The following SCYL2 variants were observed in gnomAD, a reference collection of about 807,000 sequenced individuals.
SCYL2 encodes SCY1 like pseudokinase 2.
Under a neutral mutation model 100.4 loss-of-function variants are expected in SCYL2, and 36 were observed. That is an observed-to-expected ratio of 0.36 (90% CI 0.27 to 0.47). The LOEUF (loss-of-function observed/expected upper bound fraction) is 0.47. Ranked by LOEUF, SCYL2 falls within the 20% of genes least tolerant of loss-of-function variation. The pLI is 1.00. For synonymous variants in SCYL2, 330 were observed against 359.2 expected (o/e 0.92, Z 0.92); for missense variants, 902 against 1,083.9 (o/e 0.83, Z 2.36).
At chr12:100,285,503 T>C (rs939081675) in intron 2 of SCYL2, among the ~76,000 whole-genome samples, 1 of 152,192 alleles carries the variant, frequency 6.6e-6, no homozygotes, top group Non-Finnish European at 1.5e-5. Context: ...TCCGGTGTGG[T>C]GCCAGTATAC....
chr12:100,298,163 T>C lies in SCYL2; in HGVS notation c.468T>C (p.Tyr156=). Residue 156 remains tyrosine, a synonymous_variant, in exon 4 of 18, where the codon TAT becomes TAC. Coordinates refer to ENST00000360820, the MANE Select transcript of SCYL2 (RefSeq NM_017988.6). The part of the protein sequence containing the change: ...DYKLYDVETK[Y]GLLQVSEGLS... The stretch of plus-strand genomic sequence containing the variant: ...AACTTTATGATGTAGAAACCAAATA[T>C]GGTTTGCTTCAGGTATGTATTTTTA... 1 of 1,565,222 alleles carries C rather than the reference T, an allele frequency of 6.4e-7. No homozygotes were observed. Among genetic ancestry groups the C allele is most frequent in the East Asian group, 2.3e-5 (1 of 43,098 alleles).
At chr12:100,273,512 A>T (rs912861986) in intron 1 of SCYL2, among the ~76,000 whole-genome samples, 2 of 152,160 alleles carry the variant, frequency 1.3e-5, no homozygotes, top group African/African-American at 4.8e-5. Flanking sequence ...TACATAGTGG[A>T]TACTCAGTAA....
Position 100,311,187 on chromosome 12 carries a change from A to T in SCYL2, c.624A>T (p.Glu208Asp), listed in dbSNP as rs372100345. ...DFCVSSTNPS[E>D]QEPKFPCKEW... is the part of the protein sequence containing the mutation. ...GTGTATCATCAACCAATCCTTCTGAACAAGAGGTAATGAAAGTTTTAGTCT... is the reference window on the plus strand; with the variant it reads ...GTGTATCATCAACCAATCCTTCTGATCAAGAGGTAATGAAAGTTTTAGTCT... Residue 208 changes from glutamate to aspartate, a missense_variant, in exon 5 of 18, where the codon GAA becomes GAT. Physicochemically the swap from Glu to Asp is conservative, Grantham distance 45 (BLOSUM62 2). Coordinates refer to ENST00000360820, the MANE Select transcript of SCYL2 (RefSeq NM_017988.6). 3.0e-5 allele frequency: 47 copies of T among 1,586,578 alleles called. No homozygotes were observed. The highest frequency in any genetic ancestry group is 3.9e-5 in the Non-Finnish European group (46 of 1,172,410).
intron 9 of SCYL2, 52 bp from the exon 10 acceptor site, chr12:100,317,751 G>A: frequency 6.5e-7 from 1 of 1,536,006 alleles, no homozygotes; most frequent in Non-Finnish European, 8.7e-7. Flanking sequence ...GGCATATATT[G>A]AATCTTTTAA....
Position 100,300,868 on chromosome 12 carries a change from T to C in SCYL2, c.480+2693T>C, listed in dbSNP as rs116895109. 8.0e-4 allele frequency among the ~76,000 whole-genome samples: 122 copies of C among 152,356 alleles called. 1 individual carries two copies. In the East Asian group the frequency reaches 0.02, roughly 25 times the overall value. On this transcript the variant is annotated intron_variant, in intron 4 of 17. Transcript: ENST00000360820. Reference sequence around the variant, plus strand: ...TGAATAGTACTCCATTATGTATATGTACCATATTTTCTGTATCTGTTCATC... The same window carrying C: ...TGAATAGTACTCCATTATGTATATGCACCATATTTTCTGTATCTGTTCATC...
intron 12 of SCYL2, among the ~76,000 whole-genome samples, chr12:100,328,182 G>C (rs570575193): frequency 6.6e-6 from 1 of 152,222 alleles, no homozygotes; most frequent in East Asian, 1.9e-4. Context: ...GGAGTCTGAG[G>C]TGGGAGAATC....
At chr12:100,271,027 C>G (rs923308023) in intron 1 of SCYL2, among the ~76,000 whole-genome samples, 11 of 151,840 alleles carry the variant, frequency 7.2e-5, no homozygotes, top group African/African-American at 2.7e-4. Context: ...ATTAGATACT[C>G]TTTGTAATTG....
In SCYL2 at chr12:100,340,642, ATG is replaced by A. The variant is rs1258953231; in HGVS notation, c.*1472_*1473del. ...GTAATACACAGCACTTGATTACAAA[ATG>A]TAATTTAATTATATTATTGCTGGCA... On this transcript the variant is annotated 3_prime_UTR_variant, in exon 18 of 18. Transcript: ENST00000360820. 1 of 152,082 alleles carries A rather than the reference ATG, an allele frequency of 6.6e-6. No individual in the cohort carries two copies. Among genetic ancestry groups the A allele is most frequent in the East Asian group, 1.9e-4 (1 of 5,194 alleles). The allele number at this position is 152,082 out of a possible 1,614,324, so 9.4% of individuals were successfully genotyped here.
intron 5 of SCYL2, 49 bp from the exon 6 acceptor site, chr12:100,312,380 AGTT>A: frequency 7.8e-7 from 1 of 1,278,344 alleles, no homozygotes; most frequent in Non-Finnish European, 1.1e-6. Context: ...ACTGCTTGAT[AGTT>A]GTTTGGTTGA....
At chr12:100,277,327 G>A (rs894731670) in intron 1 of SCYL2, among the ~76,000 whole-genome samples, 4 of 152,248 alleles carry the variant, frequency 2.6e-5, no homozygotes, top group African/African-American at 4.8e-5. Flanking sequence ...TCTCTGCTTC[G>A]TCTGTGTCTG....
At chr12:100,271,524 A>T (rs2096287702) in intron 1 of SCYL2, among the ~76,000 whole-genome samples, 3 of 152,202 alleles carry the variant, frequency 2.0e-5, no homozygotes, top group Non-Finnish European at 4.4e-5. Flanking sequence ...TACAAATCTC[A>T]GACCTTTGTG....
chr12:100,327,691 T>C (rs917801006), intron 12 of SCYL2, among the ~76,000 whole-genome samples: 1 of 152,134 alleles, frequency 6.6e-6, no homozygotes, highest in Non-Finnish European at 1.5e-5. Context: ...TTTTTTTGTA[T>C]TTTTTGTAGA....
chr12:100,285,811 T>G (rs960536447), intron 2 of SCYL2, among the ~76,000 whole-genome samples: 1 of 152,234 alleles, frequency 6.6e-6, no homozygotes, highest in Admixed American at 6.5e-5. Context: ...ATTGTTATGT[T>G]CTTTGTTGTA....
At chr12:100,331,481 C>T in intron 13 of SCYL2, among the ~76,000 whole-genome samples, 1 of 152,008 alleles carries the variant, frequency 6.6e-6, no homozygotes, top group East Asian at 1.9e-4. Flanking sequence ...GTGGTGTGCG[C>T]CTGTAGTCCC....
intron 2 of SCYL2, among the ~76,000 whole-genome samples, chr12:100,286,321 A>G (rs1012238934): frequency 6.6e-6 from 1 of 152,160 alleles, no homozygotes; most frequent in African/African-American, 2.4e-5. Flanking sequence ...TTATTTATTA[A>G]GCACTTCTGT....
chr12:100,271,702 G>A (rs765576711), intron 1 of SCYL2, among the ~76,000 whole-genome samples: 1 of 152,146 alleles, frequency 6.6e-6, no homozygotes, highest in Admixed American at 6.5e-5. Context: ...ATTACGGTAA[G>A]CCTTTTATTT....
chr12:100,291,503 G>A lies in SCYL2; in HGVS notation c.178G>A (p.Glu60Lys), dbSNP rs1290254370. 1 of 1,518,910 alleles carries A rather than the reference G, an allele frequency of 6.6e-7. No individual in the cohort carries two copies. The highest frequency in any genetic ancestry group is 2.2e-5 in the Admixed American group (1 of 45,626). 94.1% of individuals were successfully genotyped at this position (1,518,910 alleles called of 1,614,324 possible). Residue 60 changes from glutamate (E) to lysine (K), a missense_variant and splice_region_variant, in exon 3 of 18, where the codon GAA (glutamate) becomes AAA (lysine). Physicochemically the swap from Glu to Lys is moderately conservative, Grantham distance 56. Transcript: ENST00000360820. ...FNGTKKSTKQEVAVFVFDKKL... is the reference protein window; with the variant it reads ...FNGTKKSTKQKVAVFVFDKKL... ...AAAATTACACAATTCTTTTATTTAGGAAGTGGCAGTTTTTGTCTTTGATAA... is the reference window on the plus strand; with the variant it reads ...AAAATTACACAATTCTTTTATTTAGAAAGTGGCAGTTTTTGTCTTTGATAA...
In SCYL2 at chr12:100,335,508, T is replaced by C. The variant is rs1392233834; in HGVS notation, c.1863-117T>C. On this transcript the variant is annotated intron_variant, in intron 14 of 17. Coordinates refer to ENST00000360820, the MANE Select transcript of SCYL2 (RefSeq NM_017988.6). ...AGAAAATAATGGAAAAGATGACTCT[T>C]CTTAAAGAGTTTAATTGGGGTCTAA... 12 of 700,498 alleles carry C rather than the reference T, an allele frequency of 1.7e-5. No individual in the cohort carries two copies. The East Asian group carries it at 2.2e-4, about 13-fold the overall frequency. The allele number at this position is 700,498 out of a possible 1,614,324, so 43.4% of individuals were successfully genotyped here. A position where few individuals can be genotyped will look rare whatever the true frequency, so the allele number is the denominator to read the frequency against.
chr12:100,327,180 A>G (rs937895130), intron 12 of SCYL2: 1 of 410,684 alleles, frequency 2.4e-6, no homozygotes, highest in Non-Finnish European at 4.9e-6. Flanking sequence ...TTTCTATTTT[A>G]TAAGGAAACT....
Sources: allele counts gnomAD v4.1 joint callset (sites outside exome capture counted in the v4.1 genomes callset), GRCh38; gene constraint gnomAD v4.1.1; transcripts MANE v1.5; gene names NCBI Gene and HGNC (gene_info 2026-07-23, HGNC 2026-07-21).